ZNF451: variants seen among roughly 807,000 people sequenced by gnomAD.
The protein encoded by ZNF451 is zinc finger protein 451, also known as E3 SUMO-protein ligase ZNF451.
ZNF451 carries 80 observed loss-of-function variants against 107.1 expected under a neutral mutation model. The ratio of observed to expected loss-of-function variants is 0.75; its 90% confidence interval spans 0.62 to 0.90. The LOEUF (loss-of-function observed/expected upper bound fraction) is 0.90, where lower values mean the gene tolerates loss of function less well. ZNF451 is among the 40% of genes least tolerant of loss of function. The probability of loss-of-function intolerance (pLI) is 0.00; values close to 1 mark genes in which losing one functional copy is unlikely to be tolerated. For synonymous variants in ZNF451, 362 were observed against 406.5 expected (o/e 0.89, Z 1.32); for missense variants, 1,107 against 1,236.2 (o/e 0.90, Z 1.57).
chr6:57,107,598 A>G (rs1295015193), intron 3 of ZNF451: 4 of 985,176 alleles, frequency 4.1e-6, no homozygotes, highest in Admixed American at 6.2e-5. Flanking sequence ...ATTATAATAC[A>G]GCTCTGATAT....
chr6:57,129,122 G>A (rs573463878), intron 5 of ZNF451, among the ~76,000 whole-genome samples: 2 of 152,094 alleles, frequency 1.3e-5, no homozygotes, highest in Non-Finnish European at 2.9e-5. Context: ...ATTGCATGAA[G>A]TAGCACATAT....
chr6:57,129,352 C>G (rs576040934), intron 5 of ZNF451, among the ~76,000 whole-genome samples: 4 of 152,274 alleles, frequency 2.6e-5, no homozygotes, highest in African/African-American at 9.6e-5. Flanking sequence ...TGAAGAGTTG[C>G]TGTGGAACAT....
intron 3 of ZNF451, chr6:57,102,018 T>G: frequency 6.5e-7 from 1 of 1,550,240 alleles, no homozygotes; most frequent in African/African-American, 1.4e-5. Flanking sequence ...CCAAAGGGGA[T>G]TGGTACAAAC....
chr6:57,152,402 A>AT (rs1271698659), intron 12 of ZNF451, 51 bp downstream of exon 12: 5 of 1,605,796 alleles, frequency 3.1e-6, no homozygotes, highest in Admixed American at 3.4e-5. Flanking sequence ...ACCCACTTGC[A>AT]TTTTTTTCCC....
At chr6:57,100,599 C>G (rs772977193) in intron 3 of ZNF451, 22 of 1,494,784 alleles carry the variant, frequency 1.5e-5, no homozygotes, top group African/African-American at 1.4e-5. Context: ...TGTGGATAAC[C>G]CAGAGAATGC....
At chr6:57,092,646 CCTCCAGTCAGTAA>C (rs1390528449) in intron 2 of ZNF451, 7 of 152,140 alleles carry the variant, frequency 4.6e-5, no homozygotes, top group Non-Finnish European at 8.8e-5. Flanking sequence ...ATATGTGGCT[CCTCCAGTCAGTAA>C]TGCTTATTCA....
chr6:57,144,755 C>T (rs1306872137), intron 9 of ZNF451, among the ~76,000 whole-genome samples: 1 of 151,836 alleles, frequency 6.6e-6, no homozygotes, highest in South Asian at 2.1e-4. Context: ...ATGGCGAAAC[C>T]CCATCTCTAC....
At chr6:57,109,436 C>T (rs1830014954) in intron 3 of ZNF451, 1 of 985,440 alleles carries the variant, frequency 1.0e-6, no homozygotes, top group Admixed American at 6.1e-5. Context: ...TTCTGAGCCT[C>T]AGTTTTCTTA....
intron 4 of ZNF451, 114 bp from the exon 5 acceptor site, chr6:57,128,615 G>A: frequency 1.5e-6 from 1 of 648,524 alleles, no homozygotes; most frequent in Non-Finnish European, 2.7e-6. Flanking sequence ...TTCTAGATGT[G>A]GAGTTCTGGG....
Position 57,141,402 on chromosome 6 carries a change from G to A in ZNF451, c.803G>A (p.Cys268Tyr). 6.2e-7 allele frequency: 1 copy of A among 1,613,308 alleles called. No individual in the cohort carries two copies. The highest frequency in any genetic ancestry group is 8.5e-7 in the Non-Finnish European group (1 of 1,179,612). ...CTTCTTTTTAGCAGAAAGGAGGAGT[G>A]TTCAAAGCATATGTCTGGAAAGAAT... ...CFLLFSRKEE[C>Y]SKHMSGKNHF... The change falls in exon 8 of 15, where the codon TGT (cysteine) becomes TAT (tyrosine). Residue 268 changes from cysteine (C) to tyrosine (Y), a missense_variant. Physicochemically the swap from Cys to Tyr is radical, Grantham distance 194. Transcript: ENST00000370706.
chr6:57,113,824 T>C (rs1019660063), intron 3 of ZNF451, among the ~76,000 whole-genome samples: 2 of 152,116 alleles, frequency 1.3e-5, no homozygotes, highest in African/African-American at 4.8e-5. Flanking sequence ...GGTTTCACCA[T>C]GTTAGCCAGG....
intron 13 of ZNF451, among the ~76,000 whole-genome samples, chr6:57,157,572 A>G (rs188289938): frequency 2.6e-5 from 4 of 152,278 alleles, no homozygotes; most frequent in Admixed American, 1.3e-4. Context: ...GAGCATTTTA[A>G]TTACGCTATG....
At chr6:57,102,406 A>G in intron 3 of ZNF451, 3 of 1,042,200 alleles carry the variant, frequency 2.9e-6, no homozygotes, top group Non-Finnish European at 3.5e-6. Flanking sequence ...CTTGTGATTA[A>G]AGAAAAATAT....
chr6:57,167,777 A>G lies in ZNF451; in HGVS notation c.3140-646A>G, dbSNP rs568906175. Among the ~76,000 whole-genome samples, 14 of 152,328 alleles carry G rather than the reference A, an allele frequency of 9.2e-5. No individual in the cohort carries two copies. The South Asian group carries it at 2.9e-3, about 32-fold the overall frequency. ...CCCAAGGAGGAGATGGAACTCAACT[A>G]TTGTGAACCCAATAACGTCTGTCTT... On this transcript the variant is annotated intron_variant, in intron 14 of 14. Transcript: ENST00000370706.
At chr6:57,091,708 G>A (rs9382685) in intron 2 of ZNF451, among the ~76,000 whole-genome samples, 17,660 of 152,126 alleles carry the variant, frequency 0.12, 1,237 homozygotes, top group African/African-American at 0.18. Flanking sequence ...GGCAGAAAAC[G>A]GTTCTGTCCC....
chr6:57,098,323 A>G (rs138737478), intron 2 of ZNF451, among the ~76,000 whole-genome samples: 39 of 151,764 alleles, frequency 2.6e-4, no homozygotes, highest in African/African-American at 9.4e-4. Flanking sequence ...ATGAGCCACC[A>G]CACCTGGCCT....
intron 2 of ZNF451, among the ~76,000 whole-genome samples, chr6:57,092,519 T>C (rs1829097925): frequency 6.6e-6 from 1 of 152,194 alleles, no homozygotes; most frequent in Non-Finnish European, 1.5e-5. Context: ...AGAAGAAGCC[T>C]ATTAAAAATT....
chr6:57,103,240 T>G, intron 3 of ZNF451: 1 of 985,438 alleles, frequency 1.0e-6, no homozygotes. Context: ...TCCTTAAGAT[T>G]TAAAGCATAG....
Position 57,092,054 on chromosome 6 carries a change from G to GC in ZNF451, c.105+1161dup, listed in dbSNP as rs997748989. ...TATCCTGTCCTTTCCTTCACCATGC[G>GC]CTGAAGTATGTTTAATAACAGGTTT... On this transcript the variant is annotated intron_variant, in intron 2 of 14. Transcript: ENST00000370706. Among the ~76,000 whole-genome samples the GC allele has an allele frequency of 3.7e-4, 56 of 152,178 alleles. 1 individual carries two copies. The highest frequency in any genetic ancestry group is 1.3e-3 in the African/African-American group (54 of 41,500).
Sources: allele counts gnomAD v4.1 joint callset (sites outside exome capture counted in the v4.1 genomes callset), GRCh38; gene constraint gnomAD v4.1.1; transcripts MANE v1.5; gene names NCBI Gene and HGNC (gene_info 2026-07-23, HGNC 2026-07-21).